DNAH6: variants seen among roughly 807,000 people sequenced by gnomAD.
DNAH6 encodes axonemal beta dynein heavy chain 6.
Under a neutral mutation model 491.4 loss-of-function variants are expected in DNAH6, and 340 were observed. That is an observed-to-expected ratio of 0.69 (90% CI 0.63 to 0.76). The LOEUF is 0.76. Among genes scored for constraint, DNAH6 ranks in the 30% least tolerant of loss-of-function variants. The probability of loss-of-function intolerance (pLI) is 0.00; values close to 1 mark genes in which losing one functional copy is unlikely to be tolerated. For synonymous variants in DNAH6, 1,603 were observed against 1,686.1 expected (o/e 0.95, Z 1.21); for missense variants, 4,443 against 4,972.2 (o/e 0.89, Z 3.20).
intron 13 of DNAH6, among the ~76,000 whole-genome samples, chr2:84,577,769 T>G (rs1682609619): frequency 6.6e-6 from 1 of 152,234 alleles, no homozygotes; most frequent in South Asian, 2.1e-4. Flanking sequence ...GAAATCATTT[T>G]CTGATCTGGA....
chr2:84,682,040 G>A (rs1693829420), intron 42 of DNAH6, among the ~76,000 whole-genome samples: 1 of 152,070 alleles, frequency 6.6e-6, no homozygotes, highest in African/African-American at 2.4e-5. Flanking sequence ...ATCCCCTGAT[G>A]GTACCCCTCC....
rs1689282020 is a variant in DNAH6, at chr2:84,640,458, C to A, written c.4850C>A (p.Ser1617Tyr). ...ATTCTATATTCTGAAGGATTTGAAT[C>A]CAGTAAAATATTAGCAAGAAAAATG... Reference protein sequence around the residue: ...EVILYSEGFESSKILARKMTQ... With the variant: ...EVILYSEGFEYSKILARKMTQ... Residue 1617 changes from serine to tyrosine, a missense_variant, in exon 32 of 77, where the codon TCC becomes TAC. Coordinates refer to ENST00000389394, the MANE Select transcript of DNAH6 (RefSeq NM_001370.2). The A allele has an allele frequency of 1.3e-6, 2 of 1,525,652 alleles. No individual in the cohort carries two copies. Among genetic ancestry groups the A allele is most frequent in the Non-Finnish European group, 1.8e-6 (2 of 1,123,786 alleles). 94.5% of individuals were successfully genotyped at this position (1,525,652 alleles called of 1,614,324 possible).
intron 68 of DNAH6, among the ~76,000 whole-genome samples, chr2:84,789,681 T>A (rs571149486): frequency 2.6e-5 from 4 of 152,330 alleles, no homozygotes; most frequent in African/African-American, 9.6e-5. Flanking sequence ...AGAGTATTTT[T>A]AAAAAGTTAG....
At chr2:84,491,546 G>A in the DNAH6 span, among the ~76,000 whole-genome samples, 1 of 152,246 alleles carries the variant, frequency 6.6e-6, no homozygotes, top group South Asian at 2.1e-4. Flanking sequence ...AGGGGCTTCT[G>A]GGAGAGCTTT....
chr2:84,670,348 G>C lies in DNAH6; in HGVS notation c.6327G>C (p.Leu2109Phe). The C allele has an allele frequency of 6.5e-7, 1 of 1,533,178 alleles. No individual in the cohort carries two copies. Among genetic ancestry groups the C allele is most frequent in the African/African-American group, 1.4e-5 (1 of 72,346 alleles). The allele number at this position is 1,533,178 out of a possible 1,614,324, so 95.0% of individuals were successfully genotyped here. ...GVGKSVIAKG[L>F]LNKIQESAGY... ...TTAAGTCTGTGATTGCAAAAGGATT[G>C]CTAAATAAAATTCAAGAATCAGCTG... Residue 2109 changes from leucine (L) to phenylalanine (F), a missense_variant, in exon 39 of 77, where the codon TTG becomes TTC. Leu to Phe is a conservative substitution (Grantham distance 22, BLOSUM62 0). Coordinates refer to ENST00000389394, the MANE Select transcript of DNAH6 (RefSeq NM_001370.2).
At chr2:84,555,940 A>G (rs1438793250) in intron 10 of DNAH6, among the ~76,000 whole-genome samples, 1 of 152,118 alleles carries the variant, frequency 6.6e-6, no homozygotes, top group Non-Finnish European at 1.5e-5. Flanking sequence ...TGGCCTCCTG[A>G]AATAGTCTGC....
chr2:84,469,752 C>T, the DNAH6 span, among the ~76,000 whole-genome samples: 1 of 152,298 alleles, frequency 6.6e-6, no homozygotes, highest in Admixed American at 6.5e-5. The surrounding 1 kb of genome is among the most constrained non-coding windows in gnomAD (Gnocchi z 4.0). Flanking sequence ...AATCCTGTAC[C>T]TGCCTAACCC....
intron 22 of DNAH6, 56 bp from the exon 23 acceptor site, chr2:84,616,830 G>GA (rs1377543801): frequency 8.9e-6 from 8 of 902,018 alleles, no homozygotes; most frequent in South Asian, 6.9e-5. Flanking sequence ...TATTTTTTCA[G>GA]AAAAAAATTT....
chr2:84,619,361 C>T (rs976515419), intron 23 of DNAH6, among the ~76,000 whole-genome samples: 1 of 152,202 alleles, frequency 6.6e-6, no homozygotes, highest in African/African-American at 2.4e-5. Context: ...TACATCTTCA[C>T]TCTGGAGGCT....
chr2:84,508,193 G>T, the DNAH6 span, among the ~76,000 whole-genome samples: 1 of 152,170 alleles, frequency 6.6e-6, no homozygotes, highest in African/African-American at 2.4e-5. Context: ...AATCCGTCTG[G>T]TCCTGGACTT....
the DNAH6 span, among the ~76,000 whole-genome samples, chr2:84,502,619 G>A: frequency 0.96 from 146,866 of 152,278 alleles, 70,869 homozygotes; most frequent in East Asian, 1. Context: ...TAGGGTGTTG[G>A]AGTCTCCAGC....
intron 49 of DNAH6, 131 bp from the exon 50 acceptor site, chr2:84,703,264 C>A: frequency 1.5e-6 from 1 of 664,748 alleles, no homozygotes; most frequent in Non-Finnish European, 2.4e-6. Context: ...ATGTTCACAA[C>A]CTGAATTATT....
intron 47 of DNAH6, among the ~76,000 whole-genome samples, chr2:84,698,313 G>A (rs749551517): frequency 1.3e-5 from 2 of 152,140 alleles, no homozygotes; most frequent in African/African-American, 2.4e-5. Flanking sequence ...CTGCTAGGTC[G>A]GAGATTATAG....
chr2:84,535,997 A>G (rs1311396710), intron 4 of DNAH6, among the ~76,000 whole-genome samples: 2 of 152,016 alleles, frequency 1.3e-5, no homozygotes, highest in East Asian at 3.8e-4. Context: ...CTGGTATTCA[A>G]GTAATATGTT....
At chr2:84,771,221 G>A (rs945215573) in intron 64 of DNAH6, among the ~76,000 whole-genome samples, 16 of 151,828 alleles carry the variant, frequency 1.1e-4, no homozygotes, top group Admixed American at 6.6e-4. Flanking sequence ...CTGGGAGGCA[G>A]AGTTTGCAGT....
At chr2:84,471,515 G>C in the DNAH6 span, among the ~76,000 whole-genome samples, 1 of 152,184 alleles carries the variant, frequency 6.6e-6, no homozygotes, top group African/African-American at 2.4e-5. Flanking sequence ...AGGGTCTCTT[G>C]TATTCAGGGT....
intron 59 of DNAH6, among the ~76,000 whole-genome samples, chr2:84,718,668 A>G (rs767851230): frequency 3.7e-4 from 56 of 152,368 alleles, no homozygotes; most frequent in Non-Finnish European, 6.5e-4. Flanking sequence ...AAACTTTCAT[A>G]TGAATGCCAT....
At chr2:84,523,005 C>T (rs1275827387) in intron 2 of DNAH6, among the ~76,000 whole-genome samples, 1 of 152,086 alleles carries the variant, frequency 6.6e-6, no homozygotes, top group East Asian at 1.9e-4. Context: ...AAGAGTCCCC[C>T]TTCCTCATTT....
At chr2:84,591,625 G>C (rs2104133025) in intron 16 of DNAH6, among the ~76,000 whole-genome samples, 1 of 152,158 alleles carries the variant, frequency 6.6e-6, no homozygotes, top group East Asian at 1.9e-4. Flanking sequence ...AATTTATAGG[G>C]AACCACAGAG....
Sources: gnomAD v4.1 joint callset for allele counts (sites outside exome capture counted in the v4.1 genomes callset) on GRCh38, gnomAD v4.1.1 for gene constraint, Gnocchi (gnomAD v3.1) non-coding constraint, MANE v1.5 for transcripts, NCBI Gene and HGNC (gene_info 2026-07-23, HGNC 2026-07-21) for gene names.